The following DSE variants were observed in gnomAD, a reference collection of about 807,000 sequenced individuals.
DSE encodes the protein dermatan-sulfate epimerase.
Under a neutral mutation model 84.4 loss-of-function variants are expected in DSE, and 36 were observed. That is an observed-to-expected ratio of 0.43 (90% CI 0.33 to 0.56). The LOEUF is 0.56. DSE is among the 20% of genes least tolerant of loss of function. DSE has a pLI of 0.06. For synonymous variants in DSE, 410 were observed against 430.1 expected, an observed-to-expected ratio of 0.95 and a Z score of 0.58; for missense variants, 862 against 1,169.6, an observed-to-expected ratio of 0.74 and a Z score of 3.84.
intron 2 of DSE, among the ~76,000 whole-genome samples, chr6:116,342,069 T>G (rs1223090791): frequency 6.6e-6 from 1 of 152,204 alleles, no homozygotes; most frequent in African/African-American, 2.4e-5. Context: ...TAAAAATAGC[T>G]GCTTAATATT....
intron 1 of DSE, among the ~76,000 whole-genome samples, chr6:116,397,897 A>G (rs995402198): frequency 6.6e-6 from 1 of 152,234 alleles, no homozygotes; most frequent in South Asian, 2.1e-4. Flanking sequence ...GCACCCTCAA[A>G]TGATGTCTCA....
chr6:116,297,046 A>G (rs1015897110), intron 2 of DSE, among the ~76,000 whole-genome samples: 1 of 152,142 alleles, frequency 6.6e-6, no homozygotes, highest in Admixed American at 6.6e-5. Flanking sequence ...AGACACTGTG[A>G]GAAGTGGTAA....
At chr6:116,313,101 T>C (rs558967684) in intron 2 of DSE, among the ~76,000 whole-genome samples, 30 of 152,300 alleles carry the variant, frequency 2.0e-4, no homozygotes, top group African/African-American at 6.7e-4. Flanking sequence ...GAAGATCCCA[T>C]GTAAAGACAG....
At chr6:116,426,938 C>G in intron 3 of DSE, 111 bp downstream of exon 3, 1 of 1,388,340 alleles carries the variant, frequency 7.2e-7, no homozygotes, top group South Asian at 1.5e-5. Context: ...TACTTGGATC[C>G]TAACTAAACC....
At chr6:116,392,931 A>G (rs1781003474) in intron 1 of DSE, among the ~76,000 whole-genome samples, 1 of 152,212 alleles carries the variant, frequency 6.6e-6, no homozygotes, top group African/African-American at 2.4e-5. Context: ...CAGCTGAGAT[A>G]CTGATGGCAG....
chr6:116,311,341 T>G (rs1283882521), intron 2 of DSE, among the ~76,000 whole-genome samples: 1 of 152,210 alleles, frequency 6.6e-6, no homozygotes, highest in Non-Finnish European at 1.5e-5. Context: ...AACCACCTAT[T>G]TCACTTCTGT....
chr6:116,356,003 G>A (rs763989048), intron 2 of DSE, among the ~76,000 whole-genome samples: 1 of 152,154 alleles, frequency 6.6e-6, no homozygotes, highest in Non-Finnish European at 1.5e-5. Context: ...CCCTGAAGAG[G>A]ATGCTAACCA....
chr6:116,390,413 T>C (rs1780827767), intron 1 of DSE, among the ~76,000 whole-genome samples: 1 of 152,156 alleles, frequency 6.6e-6, no homozygotes, highest in Admixed American at 6.5e-5. Context: ...GTAGAATTTA[T>C]TGGTATTTAT....
At chr6:116,390,130 T>C (rs967867053) in intron 1 of DSE, among the ~76,000 whole-genome samples, 7 of 151,998 alleles carry the variant, frequency 4.6e-5, no homozygotes, top group African/African-American at 1.2e-4. Context: ...TGCAGTGGGG[T>C]GATCTTGGCT....
At chr6:116,299,545 T>C (rs1554209286) in intron 2 of DSE, among the ~76,000 whole-genome samples, 9,645 of 35,240 alleles carry the variant, frequency 0.27, 1,021 homozygotes, top group Middle Eastern at 0.41. Flanking sequence ...TATATATATA[T>C]ATATATACAC....
At chr6:116,261,243 G>A (rs1263203674) in intron 2 of DSE, among the ~76,000 whole-genome samples, 1 of 145,934 alleles carries the variant, frequency 6.9e-6, no homozygotes, top group Non-Finnish European at 1.5e-5. Context: ...TTATTTATTT[G>A]TTGAGACAGA....
intron 2 of DSE, among the ~76,000 whole-genome samples, chr6:116,317,839 C>T (rs1776076223): frequency 6.6e-6 from 1 of 152,158 alleles, no homozygotes; most frequent in South Asian, 2.1e-4. Context: ...ATTTCTACCT[C>T]TTGAAATAAT....
intron 2 of DSE, chr6:116,279,020 T>G: frequency 6.2e-7 from 1 of 1,613,990 alleles, no homozygotes; most frequent in Non-Finnish European, 8.5e-7. Flanking sequence ...TTCTGAATGA[T>G]GTAGTTCCTC....
intron 2 of DSE, among the ~76,000 whole-genome samples, chr6:116,404,903 T>C (rs144577433): frequency 3.3e-4 from 50 of 152,074 alleles, no homozygotes; most frequent in African/African-American, 1.1e-3. Context: ...CACTCTTGCA[T>C]TGGAGCCAGT....
At chr6:116,351,835 G>C (rs1003696968) in intron 2 of DSE, among the ~76,000 whole-genome samples, 1 of 152,184 alleles carries the variant, frequency 6.6e-6, no homozygotes, top group Non-Finnish European at 1.5e-5. Context: ...TTTATAATCA[G>C]AAAGCTCCCT....
Position 116,279,961 on chromosome 6 carries a change from G to C in DSE, c.-54+20994G>C, listed in dbSNP as rs1327389445. On this transcript the variant is annotated intron_variant, in intron 2 of 3. Transcript: ENST00000430252. ...TTCAGCGGCGGTGTCGTCAGGACTG[G>C]AGATCTCACGGTATCGCGAGAACTT... is the stretch of plus-strand genomic sequence containing the variant. 2.3e-6 allele frequency: 3 copies of C among 1,325,754 alleles called. No homozygotes were observed. The African/African-American group carries it at 4.3e-5, about 19-fold the overall frequency. 82.1% of individuals were successfully genotyped at this position (1,325,754 alleles called of 1,614,324 possible). A position where few individuals can be genotyped will look rare whatever the true frequency, so the allele number is the denominator to read the frequency against.
intron 1 of DSE, among the ~76,000 whole-genome samples, chr6:116,388,733 T>C (rs1780713545): frequency 6.6e-6 from 1 of 152,184 alleles, no homozygotes; most frequent in East Asian, 1.9e-4. Context: ...TATTTCTGCA[T>C]TTAGGATTTT....
chr6:116,256,947 G>C (rs1772167961), intron 1 of DSE, among the ~76,000 whole-genome samples: 1 of 152,108 alleles, frequency 6.6e-6, no homozygotes, highest in Non-Finnish European at 1.5e-5. Context: ...AATATCGATA[G>C]AAAATGCCAT....
At chr6:116,397,497 G>A (rs1257084284) in intron 1 of DSE, among the ~76,000 whole-genome samples, 1 of 152,098 alleles carries the variant, frequency 6.6e-6, no homozygotes, top group Non-Finnish European at 1.5e-5. Context: ...ATGAGCCACC[G>A]TGCCTGGCCG....
Sources: gnomAD v4.1 joint callset for allele counts (sites outside exome capture counted in the v4.1 genomes callset) on GRCh38, gnomAD v4.1.1 for gene constraint, MANE v1.5 for transcripts, NCBI Gene and HGNC (gene_info 2026-07-23, HGNC 2026-07-21) for gene names.